The following C8A variants were observed in gnomAD, a reference collection of about 807,000 sequenced individuals.
C8A encodes the protein complement component C8 alpha chain.
Under a neutral mutation model 65.3 loss-of-function variants are expected in C8A, and 67 were observed. The ratio of observed to expected loss-of-function variants is 1.03; its 90% CI spans 0.84 to 1.26. C8A has a LOEUF of 1.26. Among genes scored for constraint, C8A ranks in the 50% most tolerant of loss-of-function variants. The pLI is 0.00. For missense variants in C8A, 781 were observed against 723.9 expected, an observed-to-expected ratio of 1.08 and a Z score of -0.90; for synonymous variants, 290 against 259.4, an observed-to-expected ratio of 1.12 and a Z score of -1.13.
At chr1:56,871,386 T>G (rs1644146146) in intron 2 of C8A, among the ~76,000 whole-genome samples, 1 of 152,234 alleles carries the variant, frequency 6.6e-6, no homozygotes, top group Non-Finnish European at 1.5e-5. Context: ...ACATAAGTGG[T>G]CACTTCAATT....
At chr1:56,868,119 A>T (rs543902302) in intron 2 of C8A, among the ~76,000 whole-genome samples, 29 of 152,178 alleles carry the variant, frequency 1.9e-4, no homozygotes, top group African/African-American at 6.7e-4. Flanking sequence ...TTCCACTTTC[A>T]TATATTGAAA....
chr1:56,891,303 G>A (rs897285274), intron 7 of C8A, among the ~76,000 whole-genome samples: 1 of 152,136 alleles, frequency 6.6e-6, no homozygotes, highest in African/African-American at 2.4e-5. Context: ...GAAGGCATGT[G>A]TGGCAGAAGC....
At chr1:56,912,737 A>G in intron 10 of C8A, 112 bp downstream of exon 10, 1 of 911,686 alleles carries the variant, frequency 1.1e-6, no homozygotes, top group Non-Finnish European at 1.8e-6. Context: ...CCTAGCCAAT[A>G]CCTAGGAGCC....
intron 7 of C8A, among the ~76,000 whole-genome samples, chr1:56,888,479 C>G (rs1423237968): frequency 6.6e-6 from 1 of 152,096 alleles, no homozygotes; most frequent in Non-Finnish European, 1.5e-5. Context: ...AATTGTAGTA[C>G]TCAAAATCAA....
chr1:56,916,620 C>A (rs543152565), intron 10 of C8A, among the ~76,000 whole-genome samples: 1 of 152,090 alleles, frequency 6.6e-6, no homozygotes, highest in African/African-American at 2.4e-5. Context: ...CAGAGGAGGG[C>A]GAGCCTGACA....
intron 1 of C8A, among the ~76,000 whole-genome samples, chr1:56,855,304 T>A (rs1208655000): frequency 6.6e-6 from 1 of 152,110 alleles, no homozygotes; most frequent in South Asian, 2.1e-4. Context: ...TAAAATAAGA[T>A]CCTGAATATA....
At chr1:56,863,157 T>C (rs1408955596) in intron 1 of C8A, among the ~76,000 whole-genome samples, 1 of 152,200 alleles carries the variant, frequency 6.6e-6, no homozygotes, top group Non-Finnish European at 1.5e-5. Flanking sequence ...TAAATATTAA[T>C]GACAGTAAAA....
chr1:56,913,090 C>G (rs139834527), intron 10 of C8A, among the ~76,000 whole-genome samples: 1 of 152,136 alleles, frequency 6.6e-6, no homozygotes, highest in Admixed American at 6.5e-5. Context: ...TGGCATTTCT[C>G]GGCTTATAGA....
rs1322633748 is a variant in C8A at position 56,912,502 on chromosome 1, T to C, written c.1480T>C (p.Phe494Leu). 1.9e-6 allele frequency: 3 copies of C among 1,614,092 alleles called. No individual in the cohort carries two copies. The Admixed American group carries it at 5.0e-5, about 27-fold the overall frequency. Residue 494 changes from phenylalanine (F) to leucine (L), a missense_variant, in exon 10 of 11, where the codon TTC becomes CTC. Transcript: ENST00000361249. ...CGCCTTGGACCAGTATCTGATGGAA[T>C]TCAATGCCTGCCGATGTGGGCCTTG... ...RRALDQYLME[F>L]NACRCGPCFN...
At chr1:56,890,993 T>C (rs1454262430) in intron 7 of C8A, among the ~76,000 whole-genome samples, 3 of 152,214 alleles carry the variant, frequency 2.0e-5, no homozygotes, top group Non-Finnish European at 2.9e-5. Flanking sequence ...TCCTAGAATA[T>C]AGTAGGGACT....
chr1:56,909,601 C>T (rs191269295), intron 9 of C8A, among the ~76,000 whole-genome samples: 38 of 152,278 alleles, frequency 2.5e-4, no homozygotes, highest in Non-Finnish European at 3.8e-4. Flanking sequence ...AAAAACTTCC[C>T]TGGGAAGACT....
rs1287966969 is a variant in C8A at position 56,908,156 on chromosome 1, A to C, written c.1380+43A>C. On this transcript the variant is annotated intron_variant, in intron 9 of 10. Coordinates refer to ENST00000361249, the MANE Select transcript of C8A (RefSeq NM_000562.3). ...TGAAGAAACTCTACGTCCATGAGGA[A>C]TGAAAGTGAAGCAGACCAGATCATT... 9 of 1,589,600 alleles carry C rather than the reference A, an allele frequency of 5.7e-6. No homozygotes were observed. In the East Asian group the frequency reaches 2.0e-4, roughly 36 times the overall value.
chr1:56,882,963 A>C (rs1477600787), intron 5 of C8A, among the ~76,000 whole-genome samples: 1 of 152,186 alleles, frequency 6.6e-6, no homozygotes, highest in African/African-American at 2.4e-5. Flanking sequence ...CATAAGGCTT[A>C]CTTCTTTGGC....
At chr1:56,914,051 T>C (rs780022935) in intron 10 of C8A, among the ~76,000 whole-genome samples, 4 of 152,042 alleles carry the variant, frequency 2.6e-5, no homozygotes, top group Non-Finnish European at 5.9e-5. Context: ...AAGCAGGCAA[T>C]CCAGAGAAGT....
At chr1:56,859,794 G>T (rs1037422606) in intron 1 of C8A, among the ~76,000 whole-genome samples, 2 of 152,146 alleles carry the variant, frequency 1.3e-5, no homozygotes, top group African/African-American at 4.8e-5. Context: ...GGGTGCGGTG[G>T]CTCACACCTG....
At chr1:56,886,554 C>T (rs901862569) in intron 7 of C8A, among the ~76,000 whole-genome samples, 1 of 152,144 alleles carries the variant, frequency 6.6e-6, no homozygotes, top group East Asian at 1.9e-4. Flanking sequence ...ACATTCATCT[C>T]AGACTCCTCC....
intron 4 of C8A, among the ~76,000 whole-genome samples, chr1:56,877,160 A>G (rs141608520): frequency 2.5e-3 from 381 of 152,320 alleles, no homozygotes; most frequent in African/African-American, 8.8e-3. Flanking sequence ...GAGAGCCTCC[A>G]GCAGAAAACA....
chr1:56,892,803 T>C (rs1307799310), intron 7 of C8A, among the ~76,000 whole-genome samples: 1 of 152,094 alleles, frequency 6.6e-6, no homozygotes, highest in East Asian at 1.9e-4. Context: ...GTGCCCTGGG[T>C]CCCTCAAAAT....
intron 1 of C8A, among the ~76,000 whole-genome samples, chr1:56,864,578 G>A (rs574835848): frequency 1.3e-5 from 2 of 152,250 alleles, no homozygotes; most frequent in South Asian, 4.1e-4. Flanking sequence ...GTTTTAGAGA[G>A]TGAGAAGGTT....
Sources: gnomAD v4.1 joint callset for allele counts (sites outside exome capture counted in the v4.1 genomes callset) on GRCh38, gnomAD v4.1.1 for gene constraint, MANE v1.5 for transcripts, NCBI Gene and HGNC (gene_info 2026-07-23, HGNC 2026-07-21) for gene names.